The following CLCC1 variants were observed in gnomAD, a reference collection of about 807,000 sequenced individuals.
CLCC1 encodes chloride channel CLIC-like protein 1.
A neutral mutation model predicts 63.3 loss-of-function variants in CLCC1; 39 were observed. That is an observed-to-expected ratio of 0.62 (90% CI 0.48 to 0.81). The LOEUF is 0.81. Ranked by LOEUF, CLCC1 falls within the 30% of genes least tolerant of loss-of-function variation. CLCC1 has a pLI of 0.00. For missense variants in CLCC1, 549 were observed against 669.4 expected, an observed-to-expected ratio of 0.82 and a Z score of 1.98; for synonymous variants, 217 against 239.8, an observed-to-expected ratio of 0.90 and a Z score of 0.88.
intron 11 of CLCC1, among the ~76,000 whole-genome samples, chr1:108,935,452 A>C (rs1252751567): frequency 6.6e-6 from 1 of 152,164 alleles, no homozygotes; most frequent in Admixed American, 6.5e-5. Context: ...GTCAAATTAC[A>C]GTTTAAATTA....
chr1:108,939,482 ATTT>A lies in CLCC1; in HGVS notation c.1041+151_1041+153del, dbSNP rs1217590120. ...CCACCACGCCCGGCTAATTTTTTGT[ATTT>A]TTTTTAGTAGAGACAGGGTTTCACT... On this transcript the variant is annotated intron_variant, in intron 10 of 12. Coordinates refer to ENST00000369969, the MANE Select transcript of CLCC1 (RefSeq NM_001377458.1). 5.3e-5 allele frequency among the ~76,000 whole-genome samples: 8 copies of A among 150,232 alleles called. No homozygotes were observed. In the South Asian group the frequency reaches 6.3e-4, roughly 12 times the overall value.
rs117988528 is a variant in CLCC1, at chr1:108,950,925, A to T, written c.-11-477T>A. On this transcript the variant is annotated intron_variant, in intron 2 of 12. Transcript: ENST00000369969. ...AAAAATAAATTGGTGTTCATATATT[A>T]AAAAAATGCATATATGCATAATATG... is the stretch of plus-strand genomic sequence containing the variant. Among the ~76,000 whole-genome samples, 99 of 151,994 alleles carry T rather than the reference A, an allele frequency of 6.5e-4. No individual in the cohort carries two copies. In the East Asian group the frequency reaches 0.016, roughly 24 times the overall value.
At chr1:108,958,028 T>G in intron 2 of CLCC1, among the ~76,000 whole-genome samples, 1 of 151,080 alleles carries the variant, frequency 6.6e-6, no homozygotes, top group Non-Finnish European at 1.5e-5. Flanking sequence ...AGAAGCCAAG[T>G]GAAGAAAGGA....
At chr1:108,952,800 T>TAAA (rs374960900) in intron 2 of CLCC1, among the ~76,000 whole-genome samples, 2 of 138,552 alleles carry the variant, frequency 1.4e-5, no homozygotes, top group Non-Finnish European at 3.1e-5. Context: ...ACTCTGCCTT[T>TAAA]AAAAAAAAAA....
At chr1:108,941,779 G>A (rs170929) in intron 7 of CLCC1, among the ~76,000 whole-genome samples, 18,498 of 151,926 alleles carry the variant, frequency 0.12, 2,178 homozygotes, top group African/African-American at 0.3. Flanking sequence ...TCAGCTTCCC[G>A]AGTAGCTGGG....
rs757150346 is a variant in CLCC1 at position 108,939,774 on chromosome 1, T to C, written c.903A>G (p.Ala301=). Residue 301 remains alanine, a synonymous_variant, in exon 10 of 13, where the codon GCA becomes GCG. Coordinates refer to ENST00000369969, the MANE Select transcript of CLCC1 (RefSeq NM_001377458.1). ...IWLVPPTKAL[A]VTFTTFVTEP... The stretch of plus-strand genomic sequence containing the variant: ...CCGTTACAAATGTGGTGAATGTAAC[T>C]GCAAGTGCCTAAAACGAGAGAAAAG... 1.1e-5 allele frequency: 18 copies of C among 1,613,496 alleles called. No individual in the cohort carries two copies. Among genetic ancestry groups the C allele is most frequent in the Non-Finnish European group, 1.4e-5 (17 of 1,179,862 alleles).
chr1:108,932,857 A>G (rs1464760982), intron 12 of CLCC1: 1 of 152,232 alleles, frequency 6.6e-6, no homozygotes, highest in Non-Finnish European at 1.5e-5. Flanking sequence ...CACGTTTCTG[A>G]TGAAATTCTA....
rs990460070 is a variant in CLCC1 at position 108,939,855 on chromosome 1, G to A, written c.895-73C>T. ...TACAGAATGCATCAAAATTCATTGA[G>A]TACTGATGCTGAAAGTATGTTACAT... On this transcript the variant is annotated intron_variant, in intron 9 of 12. Coordinates refer to ENST00000369969, the MANE Select transcript of CLCC1 (RefSeq NM_001377458.1). 2.7e-6 allele frequency: 4 copies of A among 1,458,242 alleles called. No individual in the cohort carries two copies. In the African/African-American group the frequency reaches 5.7e-5, roughly 21 times the overall value. 90.3% of individuals were successfully genotyped at this position (1,458,242 alleles called of 1,614,324 possible).
intron 10 of CLCC1, among the ~76,000 whole-genome samples, chr1:108,939,222 A>G (rs939666098): frequency 1.2e-4 from 17 of 145,976 alleles, no homozygotes; most frequent in South Asian, 2.1e-4. Context: ...ATATAAATAT[A>G]TATTATATAT....
intron 11 of CLCC1, among the ~76,000 whole-genome samples, chr1:108,936,808 C>G (rs338486): frequency 6.6e-6 from 1 of 152,080 alleles, no homozygotes; most frequent in Non-Finnish European, 1.5e-5. Context: ...CATGCTCATA[C>G]GCTGGCTTCC....
At chr1:108,945,996 C>T (rs1423938188) in intron 5 of CLCC1, among the ~76,000 whole-genome samples, 1 of 151,914 alleles carries the variant, frequency 6.6e-6, no homozygotes, top group East Asian at 1.9e-4. Flanking sequence ...AATCCTGTCT[C>T]TACTGAAAAC....
intron 2 of CLCC1, among the ~76,000 whole-genome samples, chr1:108,953,465 C>T (rs1655465057): frequency 6.6e-6 from 1 of 152,090 alleles, no homozygotes; most frequent in Non-Finnish European, 1.5e-5. Context: ...TTTAAGCTCC[C>T]CAAGTGATTC....
At position 108,930,036 on chromosome 1, in the gene CLCC1, C is replaced by G. The variant is rs905967634; in HGVS notation, c.*2511G>C. On this transcript the variant is annotated 3_prime_UTR_variant, in exon 13 of 13. Transcript: ENST00000369969. ...GAGAATTTATAGCACTGTAATACAGCTTAAAATATTTTTAGAATGATGTAA... is the reference window on the plus strand; with the variant it reads ...GAGAATTTATAGCACTGTAATACAGGTTAAAATATTTTTAGAATGATGTAA... 1 of 1,079,108 alleles carries G rather than the reference C, an allele frequency of 9.3e-7. No individual in the cohort carries two copies. The highest frequency in any genetic ancestry group is 1.6e-5 in the African/African-American group (1 of 63,270). 66.8% of individuals were successfully genotyped at this position (1,079,108 alleles called of 1,614,324 possible).
chr1:108,956,771 C>A (rs1242299015), intron 2 of CLCC1, among the ~76,000 whole-genome samples: 1 of 148,100 alleles, frequency 6.8e-6, no homozygotes, highest in African/African-American at 2.6e-5. Context: ...TGGAGAACAT[C>A]CAGAGAGAAG....
chr1:108,949,872 C>G lies in CLCC1; in HGVS notation c.179G>C (p.Cys60Ser), dbSNP rs751419734. The G allele has an allele frequency of 6.9e-6, 11 of 1,601,658 alleles. No individual in the cohort carries two copies. The African/African-American group carries it at 1.5e-4, about 21-fold the overall frequency. The change falls in exon 4 of 13, where the codon TGT (cysteine) becomes TCT (serine). Residue 60 changes from cysteine (C) to serine (S), a missense_variant. By Grantham distance (112) the Cys-to-Ser change is moderately radical. Coordinates refer to ENST00000369969, the MANE Select transcript of CLCC1 (RefSeq NM_001377458.1). The part of the protein sequence containing the change: ...GEKDVSPDLS[C>S]ADEISECYHK... ...ATAACATTCTGATATTTCATCAGCA[C>G]ATGACAAGTCAGGACTGACATCCTT...
chr1:108,937,868 A>G (rs1653246853), intron 10 of CLCC1, among the ~76,000 whole-genome samples: 1 of 152,244 alleles, frequency 6.6e-6, no homozygotes, highest in South Asian at 2.1e-4. Context: ...AAAATTCAAC[A>G]GGTTTTGATT....
chr1:108,960,699 G>T (rs1239882522), intron 2 of CLCC1, among the ~76,000 whole-genome samples: 1 of 152,144 alleles, frequency 6.6e-6, no homozygotes, highest in African/African-American at 2.4e-5. Flanking sequence ...ATTATAATAT[G>T]ATATGAAGTG....
rs1652753782 is a variant in CLCC1 at position 108,935,400 on chromosome 1, A to AG, written c.1384-459dup. 3.3e-5 allele frequency among the ~76,000 whole-genome samples: 5 copies of AG among 152,368 alleles called. No individual in the cohort carries two copies. The South Asian group carries it at 8.3e-4, about 25-fold the overall frequency. ...TGAATTAAAGAGGCTATGTAAAAAAAGCAGAGAAGAGATGAGTGCTGAATG... is the reference window on the plus strand; with the variant it reads ...TGAATTAAAGAGGCTATGTAAAAAAAGGCAGAGAAGAGATGAGTGCTGAATG... On this transcript the variant is annotated intron_variant, in intron 11 of 12. Coordinates refer to ENST00000369969, the MANE Select transcript of CLCC1 (RefSeq NM_001377458.1).
At chr1:108,942,911 CTTT>C (rs905093258) in intron 7 of CLCC1, among the ~76,000 whole-genome samples, 2 of 149,512 alleles carry the variant, frequency 1.3e-5, no homozygotes, top group South Asian at 4.2e-4. Context: ...TAGCTTTATT[CTTT>C]TTTTTTTCTT....
Sources: allele counts gnomAD v4.1 joint callset (sites outside exome capture counted in the v4.1 genomes callset), GRCh38; gene constraint gnomAD v4.1.1; transcripts MANE v1.5; gene names NCBI Gene and HGNC (gene_info 2026-07-23, HGNC 2026-07-21).